The following DSCAML1 variants were observed in gnomAD, a reference collection of about 807,000 sequenced individuals.
DSCAML1 encodes the protein cell adhesion molecule DSCAML1.
DSCAML1 carries 38 observed loss-of-function variants against 200.5 expected under a neutral mutation model. The observed-to-expected ratio is 0.19, with a 90% CI of 0.15 to 0.25. The LOEUF (loss-of-function observed/expected upper bound fraction) is 0.25, where lower values mean the gene tolerates loss of function less well. DSCAML1 is among the 10% of genes least tolerant of loss of function. DSCAML1 has a pLI of 1.00. For missense variants in DSCAML1, 2,223 were observed against 2,858.8 expected, an observed-to-expected ratio of 0.78 and a Z score of 5.07; for synonymous variants, 1,215 against 1,165.0, an observed-to-expected ratio of 1.04 and a Z score of -0.87.
chr11:117,588,813 G>A (rs2051201353), intron 3 of DSCAML1, among the ~76,000 whole-genome samples: 1 of 152,162 alleles, frequency 6.6e-6, no homozygotes, highest in Non-Finnish European at 1.5e-5. Context: ...TGGGGATCCT[G>A]TCCCCCTCCT....
intron 19 of DSCAML1, among the ~76,000 whole-genome samples, 191 bp downstream of exon 19, chr11:117,458,563 T>C (rs1477516060): frequency 6.6e-6 from 1 of 151,038 alleles, no homozygotes; most frequent in African/African-American, 2.4e-5. Flanking sequence ...TGCAGGGAGG[T>C]TCACAGTTGC....
chr11:117,682,218 G>A (rs1376895545), intron 3 of DSCAML1, among the ~76,000 whole-genome samples: 1 of 152,152 alleles, frequency 6.6e-6, no homozygotes, highest in African/African-American at 2.4e-5. Context: ...CACGTGAGAT[G>A]CAGCTCATCT....
intron 14 of DSCAML1, among the ~76,000 whole-genome samples, chr11:117,477,386 GTGTGTA>G (rs1181565746): frequency 2.0e-4 from 26 of 130,674 alleles, no homozygotes; most frequent in South Asian, 1.3e-3. Flanking sequence ...GTGTGTGTGT[GTGTGTA>G]TGTGTGTGTG....
intron 3 of DSCAML1, among the ~76,000 whole-genome samples, chr11:117,545,702 G>C (rs958492746): frequency 8.5e-5 from 13 of 152,282 alleles, no homozygotes; most frequent in Non-Finnish European, 1.5e-4. Context: ...GGGGCCAGGA[G>C]CTGAGGGGAG....
intron 3 of DSCAML1, among the ~76,000 whole-genome samples, chr11:117,730,393 C>A (rs1001221160): frequency 6.6e-6 from 1 of 152,100 alleles, no homozygotes; most frequent in Non-Finnish European, 1.5e-5. Context: ...AGAATGCAGC[C>A]CTGATGACAC....
intron 11 of DSCAML1, among the ~76,000 whole-genome samples, chr11:117,496,497 T>A (rs149696380): frequency 1.4e-4 from 21 of 152,348 alleles, no homozygotes; most frequent in Middle Eastern, 3.4e-3. Context: ...AGCTGCCCCA[T>A]GATAACCTTG....
rs140664951 is a variant in DSCAML1, at chr11:117,465,667, G to C, written c.3025-485C>G. Among the ~76,000 whole-genome samples the C allele has an allele frequency of 2.6e-4, 39 of 152,276 alleles. 2 individuals are homozygous for C. In the East Asian group the frequency reaches 7.5e-3, roughly 29 times the overall value. On this transcript the variant is annotated intron_variant, in intron 16 of 32. Coordinates refer to ENST00000651296, the MANE Select transcript of DSCAML1 (RefSeq NM_020693.4). ...CTGCCTGCATTAGAACGGAAGCACT[G>C]TGAGGACGCTTTGTTACTGTCGCAC...
At chr11:117,495,614 C>A (rs990741841) in intron 11 of DSCAML1, among the ~76,000 whole-genome samples, 2 of 152,234 alleles carry the variant, frequency 1.3e-5, no homozygotes, top group Non-Finnish European at 2.9e-5. Context: ...GCACACAGCT[C>A]TAGGGAGGAT....
At chr11:117,806,118 G>A (rs756902781) in intron 1 of DSCAML1, among the ~76,000 whole-genome samples, 5 of 152,194 alleles carry the variant, frequency 3.3e-5, no homozygotes, top group Non-Finnish European at 5.9e-5. Flanking sequence ...TTTGATGACT[G>A]TTTGTCGAAT....
At chr11:117,745,713 C>T (rs1197103300) in intron 3 of DSCAML1, among the ~76,000 whole-genome samples, 1 of 152,202 alleles carries the variant, frequency 6.6e-6, no homozygotes, top group Non-Finnish European at 1.5e-5. Flanking sequence ...CGTTATGCTA[C>T]GTCAGCTCAG....
rs76988919 is a variant in DSCAML1, at chr11:117,787,282, T to C, written c.47-6472A>G. Among the ~76,000 whole-genome samples, 734 of 152,366 alleles carry C rather than the reference T, an allele frequency of 4.8e-3. 5 individuals are homozygous for C. Among genetic ancestry groups the C allele is most frequent in the African/African-American group, 0.017 (691 of 41,582 alleles). On this transcript the variant is annotated intron_variant, in intron 1 of 32. Coordinates refer to ENST00000651296, the MANE Select transcript of DSCAML1 (RefSeq NM_020693.4). ...TATATGAAGAGCTTGGGACAGTTTC[T>C]GCTTTATGTAAGTGCCTGGCACCAC...
chr11:117,695,018 AG>A (rs1307264491), intron 3 of DSCAML1, among the ~76,000 whole-genome samples: 1 of 152,222 alleles, frequency 6.6e-6, no homozygotes, highest in Non-Finnish European at 1.5e-5. Flanking sequence ...CATGACAGAA[AG>A]GACTTTAGAA....
chr11:117,666,663 C>T (rs10892155), intron 3 of DSCAML1, among the ~76,000 whole-genome samples: 6,529 of 152,264 alleles, frequency 0.043, 190 homozygotes, highest in African/African-American at 0.082. Flanking sequence ...GCCTGAGCTA[C>T]GGGCAAAAGA....
intron 16 of DSCAML1, among the ~76,000 whole-genome samples, chr11:117,467,307 A>G (rs1474870699): frequency 6.6e-6 from 1 of 151,756 alleles, no homozygotes; most frequent in Non-Finnish European, 1.5e-5. Flanking sequence ...AACCAGATAC[A>G]TTTAGATCCG....
intron 11 of DSCAML1, among the ~76,000 whole-genome samples, chr11:117,492,440 G>A (rs2049200888): frequency 6.6e-6 from 1 of 152,178 alleles, no homozygotes; most frequent in African/African-American, 2.4e-5. Flanking sequence ...AGGGACAGCA[G>A]GTACCCTGAA....
rs76374827 is a variant in DSCAML1 at position 117,592,091 on chromosome 11, G to A, written c.512-59569C>T. 9.5e-3 allele frequency among the ~76,000 whole-genome samples: 1,453 copies of A among 152,254 alleles called. 7 individuals are homozygous for A. Among genetic ancestry groups the A allele is most frequent in the African/African-American group, 0.019 (803 of 41,528 alleles). Reference sequence around the variant, plus strand: ...AGGAGCAGGAGAATCCTGGGGCTAGGGTGGAAAGCTGTGCTCATCAGGTAG... The same window carrying A: ...AGGAGCAGGAGAATCCTGGGGCTAGAGTGGAAAGCTGTGCTCATCAGGTAG... On this transcript the variant is annotated intron_variant, in intron 3 of 32. Transcript: ENST00000651296.
intron 19 of DSCAML1, among the ~76,000 whole-genome samples, chr11:117,458,543 C>CG (rs1324039464): frequency 2.0e-5 from 3 of 151,620 alleles, no homozygotes; most frequent in African/African-American, 4.8e-5. Flanking sequence ...GTAGGGGGTG[C>CG]GGGGGGAGGT....
chr11:117,607,689 T>C (rs1447418461), intron 3 of DSCAML1, among the ~76,000 whole-genome samples: 1 of 152,202 alleles, frequency 6.6e-6, no homozygotes, highest in East Asian at 1.9e-4. Context: ...CCACACCTTA[T>C]CTGTGCTGAG....
chr11:117,431,537 T>C lies in DSCAML1; in HGVS notation c.5371A>G (p.Thr1791Ala). Residue 1791 changes from threonine to alanine, a missense_variant, in exon 31 of 33, where the codon ACA (threonine) becomes GCA (alanine). Thr to Ala is a moderately conservative substitution (Grantham distance 58). Around this residue, in one of 7 missense-constraint regions of DSCAML1, gnomAD observed 96 missense variants for 160.7 expected, o/e 0.60. Transcript: ENST00000651296. ...DSYSASLSQD[T>A]DKGRNSMVST... Reference sequence around the variant, plus strand: ...GCCAGCAGGGCCTTAGGCACACCTGTGTCCTGGGACAGGCTGGCACTGTAG... The same window carrying C: ...GCCAGCAGGGCCTTAGGCACACCTGCGTCCTGGGACAGGCTGGCACTGTAG... The C allele has an allele frequency of 6.4e-7, 1 of 1,569,416 alleles. No homozygotes were observed. The highest frequency in any genetic ancestry group is 8.7e-7 in the Non-Finnish European group (1 of 1,154,664).
Sources: gnomAD v4.1 joint callset for allele counts (sites outside exome capture counted in the v4.1 genomes callset) on GRCh38, gnomAD v4.1.1 for gene constraint, gnomAD v4.1.1 regional missense constraint, MANE v1.5 for transcripts, NCBI Gene and HGNC (gene_info 2026-07-23, HGNC 2026-07-21) for gene names.